Variants in RBFOX1 observed in about 807,000 individuals in gnomAD.
RBFOX1 encodes RNA binding protein fox-1 homolog 1.
RBFOX1 carries 8 observed loss-of-function variants against 57.7 expected under a neutral mutation model. The observed-to-expected ratio is 0.14, with a 90% CI of 0.08 to 0.25. RBFOX1 has a LOEUF of 0.25. Among genes scored for constraint, RBFOX1 ranks in the 10% least tolerant of loss-of-function variants. The pLI, the probability that RBFOX1 is intolerant of heterozygous loss-of-function variation, is 1.00. For missense variants in RBFOX1, 611 were observed against 548.5 expected (o/e 1.11, Z -1.14); for synonymous variants, 326 against 222.4 (o/e 1.47, Z -4.15).
chr16:5,445,167 C>G lies in RBFOX1; in HGVS notation c.220-22049C>G, dbSNP rs1324219079. On this transcript the variant is annotated intron_variant, in intron 1 of 2. Coordinates refer to the RBFOX1 transcript ENST00000585867. ...TAGGAAGATGTTACAATACTTTAAG[C>G]AGAGTGACTTGGTAGCTTAGACCAG... Among the ~76,000 whole-genome samples, 5 of 152,280 alleles carry G rather than the reference C, an allele frequency of 3.3e-5. No individual in the cohort carries two copies. The East Asian group carries it at 9.7e-4, about 29-fold the overall frequency.
chr16:6,231,700 G>A (rs759952795), intron 1 of RBFOX1, among the ~76,000 whole-genome samples: 2 of 152,212 alleles, frequency 1.3e-5, no homozygotes, highest in Non-Finnish European at 2.9e-5. Flanking sequence ...AGGCATGTCT[G>A]CCCTGGACTT....
rs561183847 is a variant in RBFOX1, at chr16:6,999,407, G to T, written c.-15-52650G>T. Among the ~76,000 whole-genome samples the T allele has an allele frequency of 6.6e-5, 10 of 150,608 alleles. No homozygotes were observed. In the South Asian group the frequency reaches 2.1e-3, roughly 32 times the overall value. On this transcript the variant is annotated intron_variant, in intron 3 of 15. Coordinates refer to ENST00000550418, the MANE Select transcript of RBFOX1 (RefSeq NM_018723.4). The stretch of plus-strand genomic sequence containing the variant: ...CATTGGTGGACCAGAGTGATTTGGT[G>T]ATACTTAAACTCATTCTGATTTTTT...
intron 2 of RBFOX1, among the ~76,000 whole-genome samples, chr16:6,375,991 G>C (rs2091126362): frequency 6.6e-6 from 1 of 152,096 alleles, no homozygotes; most frequent in Non-Finnish European, 1.5e-5. Flanking sequence ...CTCCCCCTCT[G>C]TTTTGTTTCA....
At chr16:5,644,624 G>T (rs753867999) in intron 3 of RBFOX1, among the ~76,000 whole-genome samples, 2 of 152,188 alleles carry the variant, frequency 1.3e-5, no homozygotes, top group Non-Finnish European at 2.9e-5. Flanking sequence ...TGGCAATGTT[G>T]CTGATTCACA....
chr16:7,356,085 C>G (rs1363931919), intron 4 of RBFOX1, among the ~76,000 whole-genome samples: 2 of 152,204 alleles, frequency 1.3e-5, no homozygotes, highest in African/African-American at 4.8e-5. Context: ...ACCTGGTGCT[C>G]CAATGCATTG....
chr16:7,357,443 A>G (rs747234373), intron 4 of RBFOX1, among the ~76,000 whole-genome samples: 2 of 152,194 alleles, frequency 1.3e-5, no homozygotes, highest in Non-Finnish European at 2.9e-5. Flanking sequence ...CAGTGGAACC[A>G]TCCAGGTTTT....
chr16:6,933,112 T>C (rs972943147), intron 3 of RBFOX1, among the ~76,000 whole-genome samples: 5 of 152,330 alleles, frequency 3.3e-5, no homozygotes, highest in Admixed American at 6.5e-5. Context: ...CCATTGTATG[T>C]GTAAACCACA....
At chr16:7,252,517 G>T (rs1833868946) in intron 4 of RBFOX1, among the ~76,000 whole-genome samples, 2 of 152,156 alleles carry the variant, frequency 1.3e-5, no homozygotes, top group Non-Finnish European at 2.9e-5. Flanking sequence ...TTATATTTCT[G>T]GCTTTTCATT....
At chr16:5,240,488 T>C (rs1376361895) in intron 1 of RBFOX1, among the ~76,000 whole-genome samples, 2 of 151,844 alleles carry the variant, frequency 1.3e-5, no homozygotes, top group Non-Finnish European at 2.9e-5. Flanking sequence ...GGGGGGCTTA[T>C]GGTGGGGGTA....
intron 4 of RBFOX1, among the ~76,000 whole-genome samples, chr16:7,455,726 G>C (rs1400193678): frequency 7.0e-6 from 1 of 141,966 alleles, no homozygotes; most frequent in Non-Finnish European, 1.5e-5. Context: ...GGTAGAGGTT[G>C]CAATGAGCCG....
intron 3 of RBFOX1, among the ~76,000 whole-genome samples, chr16:5,847,265 T>G (rs945453735): frequency 2.0e-5 from 3 of 151,954 alleles, no homozygotes; most frequent in Admixed American, 1.3e-4. Flanking sequence ...GGACACATAG[T>G]TGGGAACATG....
chr16:5,702,400 C>T (rs1361907507), intron 3 of RBFOX1, among the ~76,000 whole-genome samples: 1 of 152,210 alleles, frequency 6.6e-6, no homozygotes, highest in African/African-American at 2.4e-5. Flanking sequence ...ATGCAGTCAC[C>T]TCCCACCGTG....
intron 1 of RBFOX1, among the ~76,000 whole-genome samples, chr16:5,243,728 C>T (rs564640596): frequency 2.0e-5 from 3 of 152,204 alleles, no homozygotes; most frequent in Admixed American, 1.3e-4. Flanking sequence ...TGGGTCCCTG[C>T]TGTACCCTTT....
chr16:7,160,434 A>T (rs2078070748), intron 4 of RBFOX1, among the ~76,000 whole-genome samples: 1 of 151,856 alleles, frequency 6.6e-6, no homozygotes, highest in Non-Finnish European at 1.5e-5. Flanking sequence ...CTTCTTTCGT[A>T]AGGTTGCACA....
chr16:5,869,185 G>C (rs1401773672), intron 4 of RBFOX1, among the ~76,000 whole-genome samples: 1 of 151,970 alleles, frequency 6.6e-6, no homozygotes, highest in East Asian at 1.9e-4. Context: ...GTAAATATTA[G>C]TTCTGCCAGT....
chr16:6,582,857 C>CTT (rs3045193), intron 2 of RBFOX1, among the ~76,000 whole-genome samples: 1 of 149,730 alleles, frequency 6.7e-6, no homozygotes, highest in African/African-American at 2.5e-5. Context: ...TCAACAGAAA[C>CTT]AACTGAGCTA....
At chr16:7,142,769 T>C (rs933427809) in intron 4 of RBFOX1, among the ~76,000 whole-genome samples, 2 of 152,202 alleles carry the variant, frequency 1.3e-5, no homozygotes, top group African/African-American at 2.4e-5. Context: ...ACATTCCCAA[T>C]GCCTTACACC....
chr16:5,923,635 G>C (rs2058880695), intron 4 of RBFOX1, among the ~76,000 whole-genome samples: 1 of 146,326 alleles, frequency 6.8e-6, no homozygotes, highest in Non-Finnish European at 1.5e-5. Flanking sequence ...TCCACCTCCT[G>C]AGTTCATACA....
chr16:5,333,638 G>A (rs975839689), intron 1 of RBFOX1, among the ~76,000 whole-genome samples: 1 of 152,190 alleles, frequency 6.6e-6, no homozygotes, highest in African/African-American at 2.4e-5. Flanking sequence ...TGACGGGGAC[G>A]TGTTCTGAGA....
Sources: gnomAD v4.1 joint callset for allele counts (sites outside exome capture counted in the v4.1 genomes callset) on GRCh38, gnomAD v4.1.1 for gene constraint, MANE v1.5 for transcripts, NCBI Gene and HGNC (gene_info 2026-07-23, HGNC 2026-07-21) for gene names.